The following HFM1 variants were observed in gnomAD, a reference collection of about 807,000 sequenced individuals.
HFM1 encodes probable ATP-dependent DNA helicase HFM1.
In HFM1, 169 loss-of-function variants were observed where a neutral mutation model predicts 192.1. The ratio of observed to expected loss-of-function variants is 0.88; its 90% CI spans 0.78 to 1.00. The LOEUF (loss-of-function observed/expected upper bound fraction) is 1.00. Ranked by LOEUF, HFM1 falls within the 50% of genes least tolerant of loss-of-function variation. The pLI, the probability that HFM1 is intolerant of heterozygous loss-of-function variation, is 0.00. For synonymous variants in HFM1, 525 were observed against 537.8 expected (o/e 0.98, Z 0.33); for missense variants, 1,661 against 1,668.0 (o/e 1.00, Z 0.07).
intron 34 of HFM1, among the ~76,000 whole-genome samples, chr1:91,269,993 A>AT (rs1004331649): frequency 6.6e-6 from 1 of 151,952 alleles, no homozygotes; most frequent in Non-Finnish European, 1.5e-5. Context: ...TATTAAGGAG[A>AT]TTTTTTTGTT....
intron 30 of HFM1, among the ~76,000 whole-genome samples, chr1:91,290,036 G>C (rs1173349829): frequency 6.6e-6 from 1 of 152,028 alleles, no homozygotes; most frequent in Non-Finnish European, 1.5e-5. Flanking sequence ...CCCTAAAAGA[G>C]CTCCTGAAGG....
intron 30 of HFM1, among the ~76,000 whole-genome samples, chr1:91,288,353 A>G (rs1293937052): frequency 1.3e-5 from 2 of 149,446 alleles, no homozygotes; most frequent in Admixed American, 6.7e-5. Flanking sequence ...AGTGGGGGCC[A>G]ATATTCAACA....
chr1:91,262,815 G>T (rs1207353936), intron 36 of HFM1, among the ~76,000 whole-genome samples: 1 of 151,830 alleles, frequency 6.6e-6, no homozygotes, highest in Non-Finnish European at 1.5e-5. Context: ...TATTTTTAAG[G>T]GACTATAGAA....
intron 36 of HFM1, among the ~76,000 whole-genome samples, chr1:91,262,992 G>A (rs996970715): frequency 6.6e-6 from 1 of 152,006 alleles, no homozygotes; most frequent in African/African-American, 2.4e-5. Flanking sequence ...AGATATAACT[G>A]TATAGAAGAA....
intron 6 of HFM1, among the ~76,000 whole-genome samples, chr1:91,384,489 AG>A: frequency 6.6e-6 from 1 of 152,288 alleles, no homozygotes; most frequent in Middle Eastern, 3.4e-3. Flanking sequence ...CAAAAATACT[AG>A]ATCTGTAGAA....
chr1:91,404,716 G>T (rs1664700038), intron 1 of HFM1, 82 bp downstream of exon 1: 1 of 412,728 alleles, frequency 2.4e-6, no homozygotes, highest in Admixed American at 2.7e-5. Context: ...TGCCCGGACG[G>T]CTCGGCTGGG....
At chr1:91,340,195 A>G (rs1655139520) in intron 20 of HFM1, among the ~76,000 whole-genome samples, 1 of 152,140 alleles carries the variant, frequency 6.6e-6, no homozygotes, top group African/African-American at 2.4e-5. Context: ...TTTTTTGTAG[A>G]GACAAGGTGT....
At chr1:91,264,637 T>G (rs977547842) in intron 36 of HFM1, among the ~76,000 whole-genome samples, 1 of 151,706 alleles carries the variant, frequency 6.6e-6, no homozygotes. Flanking sequence ...CCTCCCAAAG[T>G]GCTGGGATTA....
chr1:91,307,365 C>G (rs1359567621), intron 30 of HFM1, among the ~76,000 whole-genome samples: 2 of 152,040 alleles, frequency 1.3e-5, no homozygotes, highest in Non-Finnish European at 2.9e-5. Context: ...ATATAGTTAT[C>G]CTTTCTACTC....
rs35536576 is a variant in HFM1 at position 91,288,366 on chromosome 1, CT to C, written c.3392-11305del. 1.3e-3 allele frequency among the ~76,000 whole-genome samples: 172 copies of C among 134,300 alleles called. No individual in the cohort carries two copies. The South Asian group carries it at 0.013, about 10-fold the overall frequency. The allele number at this position is 134,300 out of a possible 152,430, so 88.1% of individuals were successfully genotyped here. A position where few individuals can be genotyped will look rare whatever the true frequency, so the allele number is the denominator to read the frequency against. Reference sequence around the variant, plus strand: ...AGAGTGGGGGCCAATATTCAACATTCTTTTTTTTTTTTTTTTTTTTTTTTTA... The same window carrying C: ...AGAGTGGGGGCCAATATTCAACATTCTTTTTTTTTTTTTTTTTTTTTTTTA... On this transcript the variant is annotated intron_variant, in intron 30 of 38. Coordinates refer to ENST00000370425, the MANE Select transcript of HFM1 (RefSeq NM_001017975.6).
chr1:91,371,327 C>T (rs1411762222), intron 13 of HFM1, among the ~76,000 whole-genome samples: 2 of 134,294 alleles, frequency 1.5e-5, no homozygotes, highest in African/African-American at 5.7e-5. Flanking sequence ...CATCACACTA[C>T]CTGACTTCAA....
intron 13 of HFM1, among the ~76,000 whole-genome samples, chr1:91,375,014 T>C (rs1660733392): frequency 6.6e-6 from 1 of 151,744 alleles, no homozygotes; most frequent in Non-Finnish European, 1.5e-5. Flanking sequence ...AAGCACAGAG[T>C]CCAGAGTGTT....
At position 91,396,191 on chromosome 1, in the gene HFM1, T is replaced by C. The variant is rs1663635156; in HGVS notation, c.184+102A>G. The C allele has an allele frequency of 1.2e-5, 6 of 500,350 alleles. No homozygotes were observed. In the East Asian group the frequency reaches 1.9e-4, roughly 16 times the overall value. 31.0% of individuals were successfully genotyped at this position (500,350 alleles called of 1,614,324 possible). ...TTTGGGGGCATATGCATTATTTTGA[T>C]ACATGTATACACAACGTGTAACAAT... On this transcript the variant is annotated intron_variant, in intron 3 of 38. Transcript: ENST00000370425.
Position 91,315,845 on chromosome 1 carries a change from T to G in HFM1, c.3110A>C (p.Asp1037Ala). ...CTTGTGCAGATAAACTACTTGATTA[T>G]CTGCGTCACCTATGATTAAGGTAAC... ...HYVTLIIGDADNQVVYLHKIT... is the reference protein window; with the variant it reads ...HYVTLIIGDAANQVVYLHKIT... Residue 1037 changes from aspartate to alanine, a missense_variant, in exon 28 of 39, where the codon GAT becomes GCT. By Grantham distance (126) the Asp-to-Ala change is moderately radical. Coordinates refer to ENST00000370425, the MANE Select transcript of HFM1 (RefSeq NM_001017975.6). 6.2e-7 allele frequency: 1 copy of G among 1,610,528 alleles called. No homozygotes were observed. The highest frequency in any genetic ancestry group is 1.1e-5 in the South Asian group (1 of 90,630).
intron 36 of HFM1, among the ~76,000 whole-genome samples, chr1:91,264,359 G>GTTTTTTTTTTTTTTTTTTTTTTTTTT (rs1466938761): frequency 3.7e-5 from 2 of 54,074 alleles, no homozygotes; most frequent in South Asian, 6.7e-4. Flanking sequence ...CACAAATTTA[G>GTTTTTTTTTTTTTTTTTTTTTTTTTT]TATTTTTTTT....
At chr1:91,344,962 G>A (rs1239677600) in intron 19 of HFM1, among the ~76,000 whole-genome samples, 3 of 151,826 alleles carry the variant, frequency 2.0e-5, no homozygotes, top group Non-Finnish European at 2.9e-5. Flanking sequence ...ATGTTGTCCA[G>A]GCTGGTCTCA....
In HFM1 at chr1:91,382,102, A is replaced by C. The variant is rs1661618220; in HGVS notation, c.803-1120T>G. 3.3e-5 allele frequency among the ~76,000 whole-genome samples: 5 copies of C among 152,144 alleles called. No homozygotes were observed. The South Asian group carries it at 1.0e-3, about 32-fold the overall frequency. On this transcript the variant is annotated intron_variant, in intron 6 of 38. Transcript: ENST00000370425. Reference sequence around the variant, plus strand: ...AACTCTGCTGTTCTTCAAAAACATCAGCTACGATCCTGCCATGAGGCCTTC... The same window carrying C: ...AACTCTGCTGTTCTTCAAAAACATCCGCTACGATCCTGCCATGAGGCCTTC...
chr1:91,371,197 C>T (rs1660141450), intron 13 of HFM1, among the ~76,000 whole-genome samples: 1 of 152,234 alleles, frequency 6.6e-6, no homozygotes, highest in East Asian at 1.9e-4. Flanking sequence ...ATGCCATCCC[C>T]ATCAAGCTAC....
At chr1:91,404,239 A>T (rs1442051111) in intron 1 of HFM1, among the ~76,000 whole-genome samples, 3 of 152,232 alleles carry the variant, frequency 2.0e-5, no homozygotes, top group African/African-American at 7.2e-5. Flanking sequence ...TGGGGACCGA[A>T]TCAGCACCTA....
Sources: gnomAD v4.1 joint callset for allele counts (sites outside exome capture counted in the v4.1 genomes callset) on GRCh38, gnomAD v4.1.1 for gene constraint, MANE v1.5 for transcripts, NCBI Gene and HGNC (gene_info 2026-07-23, HGNC 2026-07-21) for gene names.